Variants in ZNF423 observed in about 807,000 individuals in gnomAD.
The protein encoded by ZNF423 is zinc finger protein 423.
ZNF423 carries 12 observed loss-of-function variants against 95.8 expected under a neutral mutation model. The observed-to-expected ratio is 0.13, with a 90% CI of 0.08 to 0.20. The LOEUF (loss-of-function observed/expected upper bound fraction) is 0.20. Among genes scored for constraint, ZNF423 ranks in the 10% least tolerant of loss-of-function variants. The pLI, the probability that ZNF423 is intolerant of heterozygous loss-of-function variation, is 1.00. For synonymous variants in ZNF423, 749 were observed against 711.9 expected (o/e 1.05, Z -0.83); for missense variants, 1,316 against 1,737.1 (o/e 0.76, Z 4.31).
intron 5 of ZNF423, among the ~76,000 whole-genome samples, chr16:49,599,084 C>T (rs1971274409): frequency 1.3e-5 from 2 of 152,206 alleles, no homozygotes; most frequent in South Asian, 4.1e-4. Context: ...TAACTGTACA[C>T]ATGTGTGTGC....
At chr16:49,768,168 G>A (rs775331340) in intron 2 of ZNF423, among the ~76,000 whole-genome samples, 7 of 152,348 alleles carry the variant, frequency 4.6e-5, no homozygotes, top group East Asian at 1.9e-4. Flanking sequence ...GGACTCTGCC[G>A]TGGACAGTCT....
chr16:49,807,413 G>A (rs1356111892), intron 1 of ZNF423, among the ~76,000 whole-genome samples: 1 of 151,752 alleles, frequency 6.6e-6, no homozygotes, highest in East Asian at 1.9e-4. Context: ...CTAGGCGACA[G>A]AGCAATATTC....
chr16:49,842,389 GA>G (rs1392526043), intron 1 of ZNF423, among the ~76,000 whole-genome samples: 4 of 112,748 alleles, frequency 3.5e-5, no homozygotes, highest in Non-Finnish European at 7.5e-5. Context: ...AGGAAGGAAG[GA>G]AGGAAGGAAG....
intron 2 of ZNF423, among the ~76,000 whole-genome samples, chr16:49,738,576 G>A (rs1358049084): frequency 6.6e-6 from 1 of 152,144 alleles, no homozygotes; most frequent in East Asian, 1.9e-4. Context: ...CTCCACATCA[G>A]GGGATATAGG....
intron 2 of ZNF423, among the ~76,000 whole-genome samples, chr16:49,748,810 C>T (rs768898344): frequency 6.6e-5 from 10 of 152,268 alleles, no homozygotes; most frequent in South Asian, 2.1e-4. Context: ...ACTGAGGCCC[C>T]GAGGGGGAAG....
At chr16:49,801,842 C>G (rs1193252466) in intron 1 of ZNF423, among the ~76,000 whole-genome samples, 1 of 152,006 alleles carries the variant, frequency 6.6e-6, no homozygotes, top group African/African-American at 2.4e-5. Flanking sequence ...TGGGGTATAG[C>G]CAGGACTGGA....
chr16:49,553,133 G>A (rs1488395720), intron 5 of ZNF423, among the ~76,000 whole-genome samples: 2 of 152,098 alleles, frequency 1.3e-5, no homozygotes, highest in Non-Finnish European at 2.9e-5. Flanking sequence ...AGACTCTGAA[G>A]GCAGAAGGAG....
chr16:49,731,307 G>A (rs2033162685), intron 2 of ZNF423: 1 of 985,202 alleles, frequency 1.0e-6, no homozygotes, highest in South Asian at 4.7e-5. Context: ...CCTTTTTAAA[G>A]CCTCCATCAG....
At chr16:49,659,691 C>T (rs999716979) in intron 3 of ZNF423, among the ~76,000 whole-genome samples, 2 of 152,226 alleles carry the variant, frequency 1.3e-5, no homozygotes, top group Non-Finnish European at 2.9e-5. Context: ...CGATCAGTCA[C>T]CCCAGATCCT....
chr16:49,554,770 C>A (rs1436923123), intron 5 of ZNF423, among the ~76,000 whole-genome samples: 2 of 151,948 alleles, frequency 1.3e-5, no homozygotes, highest in Non-Finnish European at 2.9e-5. Context: ...ATAAAGATCG[C>A]CCTTAATTCT....
intron 5 of ZNF423, among the ~76,000 whole-genome samples, chr16:49,595,101 C>T (rs1009323369): frequency 2.0e-5 from 3 of 152,194 alleles, no homozygotes; most frequent in Non-Finnish European, 4.4e-5. Context: ...CGATCTGCGT[C>T]ACAGCTAAAG....
At chr16:49,560,507 C>T (rs1235747789) in intron 5 of ZNF423, among the ~76,000 whole-genome samples, 1 of 152,158 alleles carries the variant, frequency 6.6e-6, no homozygotes, top group African/African-American at 2.4e-5. Context: ...CCTCTCGCAG[C>T]ATGATGAAGG....
At chr16:49,782,098 C>T (rs1384534894) in intron 2 of ZNF423, among the ~76,000 whole-genome samples, 3 of 152,236 alleles carry the variant, frequency 2.0e-5, no homozygotes, top group Non-Finnish European at 4.4e-5. Flanking sequence ...CATGTACCTC[C>T]TCTCCTTCCA....
chr16:49,766,213 A>T (rs2143675559), intron 2 of ZNF423, among the ~76,000 whole-genome samples: 1 of 152,326 alleles, frequency 6.6e-6, no homozygotes, highest in African/African-American at 2.4e-5. Flanking sequence ...ATAGGACCAA[A>T]TGCAATTCAA....
At chr16:49,504,660 G>T (rs190703519) in intron 7 of ZNF423, among the ~76,000 whole-genome samples, 3 of 152,328 alleles carry the variant, frequency 2.0e-5, no homozygotes, top group Admixed American at 6.5e-5. Context: ...AAGACACTCA[G>T]CGACATTCCT....
At chr16:49,822,783 T>C (rs948888789) in intron 1 of ZNF423, 5 of 1,473,834 alleles carry the variant, frequency 3.4e-6, no homozygotes, top group African/African-American at 2.8e-5. Flanking sequence ...CTAGTAAGCA[T>C]GTGCAATCTC....
chr16:49,626,240 C>T lies in ZNF423; in HGVS notation c.3531G>A (p.Gln1177=). Residue 1177 remains glutamine, a synonymous_variant, in exon 5 of 8, where the codon CAG becomes CAA. Coordinates refer to ENST00000563137, the MANE Select transcript of ZNF423 (RefSeq NM_001379286.1). ...TSPVPRKKTY[Q]CIKCQMTFEN... Reference sequence around the variant, plus strand: ...CGAAGGTCATCTGGCACTTGATGCACTGGTATGTCTTTTTCTGTTTGGAAA... The same window carrying T: ...CGAAGGTCATCTGGCACTTGATGCATTGGTATGTCTTTTTCTGTTTGGAAA... The T allele has an allele frequency of 6.2e-7, 1 of 1,613,956 alleles. No homozygotes were observed. Among genetic ancestry groups the T allele is most frequent in the Non-Finnish European group, 8.5e-7 (1 of 1,179,904 alleles).
Position 49,638,481 on chromosome 16 carries a change from C to A in ZNF423, c.695G>T (p.Cys232Phe). 6.2e-7 allele frequency: 1 copy of A among 1,613,870 alleles called. No homozygotes were observed. ...KTHSSSKPFK[C>F]TVCKRGFSST... is the part of the protein sequence containing the mutation. ...GGAGAAGCCGCGCTTGCACACAGTGCACTTGAAGGGCTTGCTGGAGCTGTG... is the reference window on the plus strand; with the variant it reads ...GGAGAAGCCGCGCTTGCACACAGTGAACTTGAAGGGCTTGCTGGAGCTGTG... Residue 232 changes from cysteine to phenylalanine, a missense_variant, in exon 4 of 8, where the codon TGC becomes TTC. Transcript: ENST00000563137. The surrounding 1 kb of genome is among the most constrained non-coding windows in gnomAD (Gnocchi z 5.6).
At chr16:49,820,524 T>G (rs2034925331) in intron 1 of ZNF423, among the ~76,000 whole-genome samples, 1 of 152,186 alleles carries the variant, frequency 6.6e-6, no homozygotes, top group Admixed American at 6.5e-5. Flanking sequence ...TTTAGCTACA[T>G]TTTTTTAATA....
Sources: allele counts gnomAD v4.1 joint callset (sites outside exome capture counted in the v4.1 genomes callset), GRCh38; gene constraint gnomAD v4.1.1; non-coding constraint Gnocchi (gnomAD v3.1); transcripts MANE v1.5; gene names NCBI Gene and HGNC (gene_info 2026-07-23, HGNC 2026-07-21).